The following NCALD variants were observed in gnomAD, a reference collection of about 807,000 sequenced individuals.
NCALD encodes neurocalcin-delta.
A neutral mutation model predicts 18.6 loss-of-function variants in NCALD; 10 were observed. That is an observed-to-expected ratio of 0.54 (90% CI 0.33 to 0.91). The LOEUF is 0.91. Among genes scored for constraint, NCALD ranks in the 40% least tolerant of loss-of-function variants. NCALD has a pLI of 0.03. For synonymous variants in NCALD, 88 were observed against 87.4 expected (o/e 1.01, Z -0.04); for missense variants, 184 against 247.6 (o/e 0.74, Z 1.72).
At chr8:101,956,598 GGA>G (rs146847752) in intron 2 of NCALD, among the ~76,000 whole-genome samples, 6 of 151,364 alleles carry the variant, frequency 4.0e-5, no homozygotes, top group South Asian at 4.2e-4. Flanking sequence ...AGAGGGAGGT[GGA>G]GAGAGAGAGA....
chr8:101,817,306 C>T (rs146884543), intron 4 of NCALD, among the ~76,000 whole-genome samples: 93 of 152,266 alleles, frequency 6.1e-4, no homozygotes, highest in African/African-American at 2.1e-3. Flanking sequence ...GCAGATCAAG[C>T]GCTTGATTAG....
intron 2 of NCALD, among the ~76,000 whole-genome samples, chr8:102,007,924 A>C (rs1462602978): frequency 3.3e-5 from 5 of 152,064 alleles, no homozygotes; most frequent in Non-Finnish European, 5.9e-5. Flanking sequence ...CTAGATTTTC[A>C]GTTTCTTTTG....
chr8:102,082,999 G>C (rs946977098), intron 1 of NCALD, among the ~76,000 whole-genome samples: 1 of 152,220 alleles, frequency 6.6e-6, no homozygotes, highest in Non-Finnish European at 1.5e-5. Flanking sequence ...CCTCTACCTA[G>C]TTCCAAAAGG....
intron 4 of NCALD, among the ~76,000 whole-genome samples, chr8:101,828,048 A>G (rs1013176604): frequency 5.3e-5 from 8 of 152,250 alleles, no homozygotes; most frequent in Admixed American, 3.3e-4. Context: ...GCAATTGAGC[A>G]TGCAAACACT....
chr8:101,986,118 C>T (rs1820800238), intron 2 of NCALD, among the ~76,000 whole-genome samples: 1 of 152,146 alleles, frequency 6.6e-6, no homozygotes, highest in Non-Finnish European at 1.5e-5. Flanking sequence ...GCAACCTCCG[C>T]CTCCCAGGTT....
intron 2 of NCALD, among the ~76,000 whole-genome samples, chr8:101,971,683 G>A (rs1820247077): frequency 6.6e-6 from 1 of 152,062 alleles, no homozygotes; most frequent in African/African-American, 2.4e-5. Flanking sequence ...TGTGAGAATG[G>A]ACTAATACAG....
chr8:102,046,498 T>C (rs562766085), intron 1 of NCALD, among the ~76,000 whole-genome samples: 7 of 152,220 alleles, frequency 4.6e-5, no homozygotes, highest in Admixed American at 3.9e-4. Context: ...TCACAATCAG[T>C]ATTTTTATTT....
At chr8:101,957,887 T>C (rs1819696046) in intron 2 of NCALD, among the ~76,000 whole-genome samples, 1 of 152,172 alleles carries the variant, frequency 6.6e-6, no homozygotes, top group Non-Finnish European at 1.5e-5. Context: ...TAGATCGAGG[T>C]ACCCCACAGC....
At chr8:102,059,276 A>G (rs941096757) in intron 1 of NCALD, among the ~76,000 whole-genome samples, 3 of 152,190 alleles carry the variant, frequency 2.0e-5, no homozygotes, top group African/African-American at 7.2e-5. Context: ...AGGTTCTCTG[A>G]TGGGCTATCC....
intron 3 of NCALD, among the ~76,000 whole-genome samples, chr8:101,906,922 A>T (rs931865814): frequency 3.9e-5 from 6 of 152,232 alleles, no homozygotes; most frequent in Non-Finnish European, 7.3e-5. Context: ...GTTTTAAAGA[A>T]AATCAGAATG....
intron 1 of NCALD, among the ~76,000 whole-genome samples, chr8:101,767,638 G>A (rs746731551): frequency 5.3e-5 from 8 of 152,180 alleles, no homozygotes; most frequent in Admixed American, 6.5e-5. Flanking sequence ...CCTCTTCTAC[G>A]ATGTTGAGAA....
chr8:101,997,981 C>A (rs1203191981), intron 2 of NCALD, among the ~76,000 whole-genome samples: 1 of 152,110 alleles, frequency 6.6e-6, no homozygotes, highest in Non-Finnish European at 1.5e-5. Context: ...ACAGAAATAG[C>A]CCATTAGGAC....
chr8:101,809,726 A>G (rs993656792), intron 4 of NCALD, among the ~76,000 whole-genome samples: 2 of 151,944 alleles, frequency 1.3e-5, no homozygotes, highest in Non-Finnish European at 2.9e-5. Flanking sequence ...TGTATTTTTA[A>G]TAGAGACGGG....
At chr8:101,763,659 A>G (rs1811208205) in intron 1 of NCALD, among the ~76,000 whole-genome samples, 1 of 152,122 alleles carries the variant, frequency 6.6e-6, no homozygotes, top group Admixed American at 6.6e-5. Flanking sequence ...GTCTTTCCTA[A>G]TGTGAGTGGA....
At chr8:102,011,727 A>C (rs144846821) in intron 2 of NCALD, among the ~76,000 whole-genome samples, 82 of 152,332 alleles carry the variant, frequency 5.4e-4, no homozygotes, top group African/African-American at 1.9e-3. Context: ...CTACCTAAAA[A>C]TCAGCATGTA....
rs1823361475 is a variant in NCALD, at chr8:102,049,631, T to G, written c.-209-29342A>C. Among the ~76,000 whole-genome samples, 5 of 152,196 alleles carry G rather than the reference T, an allele frequency of 3.3e-5. No individual in the cohort carries two copies. The South Asian group carries it at 1.0e-3, about 31-fold the overall frequency. ...GAAACAAGCATCCTGTCTTCCAAAGTGGCTGTACTATTTTGCATTCCCACC... is the reference window on the plus strand; with the variant it reads ...GAAACAAGCATCCTGTCTTCCAAAGGGGCTGTACTATTTTGCATTCCCACC... On this transcript the variant is annotated intron_variant, in intron 1 of 6. Coordinates refer to the NCALD transcript ENST00000311028.
intron 4 of NCALD, among the ~76,000 whole-genome samples, chr8:101,805,283 A>AT (rs1457000126): frequency 5.9e-5 from 9 of 152,146 alleles, no homozygotes; most frequent in African/African-American, 2.2e-4. Flanking sequence ...GATGTGGCCA[A>AT]TAAGTCTGGC....
chr8:101,955,127 A>G (rs1310604787), intron 2 of NCALD, among the ~76,000 whole-genome samples: 1 of 152,244 alleles, frequency 6.6e-6, no homozygotes, highest in African/African-American at 2.4e-5. Flanking sequence ...GAAGCAATGA[A>G]TAAGGCGAGA....
At chr8:101,913,420 CATGA>C (rs1032511138) in intron 3 of NCALD, among the ~76,000 whole-genome samples, 9 of 152,206 alleles carry the variant, frequency 5.9e-5, no homozygotes, top group African/African-American at 2.2e-4. Context: ...AATCATTCTC[CATGA>C]GTGAGTCTTG....
Sources: allele counts gnomAD v4.1 joint callset (sites outside exome capture counted in the v4.1 genomes callset), GRCh38; gene constraint gnomAD v4.1.1; transcripts MANE v1.5; gene names NCBI Gene and HGNC (gene_info 2026-07-23, HGNC 2026-07-21).